SETDB1: variants seen among roughly 807,000 people sequenced by gnomAD.
The protein encoded by SETDB1 is SET domain bifurcated histone lysine methyltransferase 1.
SETDB1 carries 31 observed loss-of-function variants against 137.4 expected under a neutral mutation model. That is an observed-to-expected ratio of 0.23 (90% CI 0.17 to 0.30). The LOEUF (loss-of-function observed/expected upper bound fraction) is 0.30, where lower values mean the gene tolerates loss of function less well. SETDB1 is among the 10% of genes least tolerant of loss of function. The pLI is 1.00. For missense variants in SETDB1, 1,113 were observed against 1,631.5 expected (o/e 0.68, Z 5.47); for synonymous variants, 548 against 579.9 (o/e 0.95, Z 0.79).
intron 7 of SETDB1, among the ~76,000 whole-genome samples, chr1:150,943,651 G>C (rs1316539242): frequency 4.6e-5 from 7 of 152,194 alleles, no homozygotes; most frequent in Non-Finnish European, 2.9e-5. Context: ...ACCCCAGCCT[G>C]GGCGACAGAA....
chr1:150,960,271 CG>C (rs1261083441), intron 15 of SETDB1, among the ~76,000 whole-genome samples: 3 of 151,274 alleles, frequency 2.0e-5, no homozygotes, highest in Admixed American at 1.3e-4. Context: ...GTCAGGAGTT[CG>C]AGACCAACCT....
At chr1:150,930,465 A>G (rs11204744) in intron 3 of SETDB1, 29,632 of 156,808 alleles carry the variant, frequency 0.19, 3,500 homozygotes, top group East Asian at 0.27. Context: ...GTAGCCCGCA[A>G]CCGCATTAAA....
Position 150,961,248 on chromosome 1 carries a change from T to C in SETDB1, c.3132+57T>C. 7.1e-6 allele frequency: 11 copies of C among 1,539,158 alleles called. No individual in the cohort carries two copies. In the South Asian group the frequency reaches 1.2e-4, roughly 16 times the overall value. On this transcript the variant is annotated intron_variant, in intron 16 of 21. Coordinates refer to ENST00000692827, the MANE Select transcript of SETDB1 (RefSeq NM_001366418.1). ...GGCTTTAACTTTGGTGCAGTAACAATGCAGTCTCACCATGAGTCTTTGCAT... is the reference window on the plus strand; with the variant it reads ...GGCTTTAACTTTGGTGCAGTAACAACGCAGTCTCACCATGAGTCTTTGCAT...
intron 14 of SETDB1, among the ~76,000 whole-genome samples, 192 bp from the exon 15 acceptor site, chr1:150,958,986 G>A (rs2272214): frequency 0.35 from 53,706 of 151,622 alleles, 9,869 homozygotes; most frequent in South Asian, 0.51. Context: ...TTTTTCCTTG[G>A]GCTACATTTC....
At chr1:150,945,217 C>T (rs1308584713) in intron 9 of SETDB1, 109 bp downstream of exon 9, 1 of 1,534,586 alleles carries the variant, frequency 6.5e-7, no homozygotes, top group Non-Finnish European at 8.8e-7. Flanking sequence ...TCTTTCTTAT[C>T]CTCGTATGTG....
intron 16 of SETDB1, chr1:150,961,607 T>TTA: frequency 1.0e-5 from 2 of 198,148 alleles, no homozygotes; most frequent in Non-Finnish European, 2.1e-5. Context: ...TGAGCCGAGA[T>TTA]CGCACCACTG....
At chr1:150,962,402 C>A (rs1360074731) in intron 17 of SETDB1, among the ~76,000 whole-genome samples, 185 bp from the exon 18 acceptor site, 1 of 152,090 alleles carries the variant, frequency 6.6e-6, no homozygotes, top group Non-Finnish European at 1.5e-5. Flanking sequence ...CTCCTGGGCT[C>A]AAGCGATGCT....
chr1:150,944,323 A>G (rs1011430997), intron 8 of SETDB1, among the ~76,000 whole-genome samples: 2 of 152,212 alleles, frequency 1.3e-5, no homozygotes, highest in Admixed American at 6.6e-5. Context: ...TCCTAGTGTC[A>G]TACTGCACCT....
At chr1:150,939,722 G>C (rs1028991135) in intron 3 of SETDB1, among the ~76,000 whole-genome samples, 2 of 151,994 alleles carry the variant, frequency 1.3e-5, no homozygotes, top group Non-Finnish European at 1.5e-5. Context: ...CAAGTAGCAG[G>C]GATTACAGGT....
chr1:150,927,312 AGAC>A (rs1437615312), intron 1 of SETDB1, among the ~76,000 whole-genome samples: 7 of 152,216 alleles, frequency 4.6e-5, no homozygotes, highest in African/African-American at 1.7e-4. Flanking sequence ...TTTTTTGTAA[AGAC>A]GAGTCTTGCC....
intron 20 of SETDB1, 56 bp downstream of exon 20, chr1:150,963,797 CTT>C: frequency 6.5e-7 from 1 of 1,532,416 alleles, no homozygotes; most frequent in Non-Finnish European, 9.0e-7. Flanking sequence ...CCTCAGATTT[CTT>C]TTAACATACT....
rs1670411395 is a variant in SETDB1 at position 150,948,857 on chromosome 1, T to C, written c.1268-265T>C. 2.0e-5 allele frequency among the ~76,000 whole-genome samples: 3 copies of C among 151,854 alleles called. No homozygotes were observed. The South Asian group carries it at 6.3e-4, about 32-fold the overall frequency. On this transcript the variant is annotated intron_variant, in intron 10 of 21. Transcript: ENST00000692827. ...CCTGCGCCTTCCGAGCAGCTGGAAT[T>C]ACAGATGTGCACCACCATGCCCATC...
At chr1:150,942,444 C>T in intron 5 of SETDB1, 119 bp from the exon 6 acceptor site, 2 of 721,724 alleles carry the variant, frequency 2.8e-6, no homozygotes, top group Non-Finnish European at 2.1e-6. Flanking sequence ...GAGACTCCAT[C>T]TCAAAAAAAA....
In SETDB1 at chr1:150,949,134, G is replaced by A. The variant is rs587746494; in HGVS notation, c.1280G>A (p.Ser427Asn). ...RTRPNMGAVR[S>N]KGPVVQYTQD... The stretch of plus-strand genomic sequence containing the variant: ...CTTTTTCCTATAGGTGCTGTGAGGA[G>A]CAAAGGCCCTGTTGTCCAGTACACA... Residue 427 changes from serine (S) to asparagine (N), a missense_variant, in exon 11 of 22, where the codon AGC (serine) becomes AAC (asparagine). Ser to Asn is a conservative substitution (Grantham distance 46). Around this residue, in one of 11 missense-constraint regions of SETDB1, gnomAD observed 154 missense variants for 303.1 expected, o/e 0.51. Transcript: ENST00000692827. 3 of 1,613,752 alleles carry A rather than the reference G, an allele frequency of 1.9e-6. No homozygotes were observed. The highest frequency in any genetic ancestry group is 2.2e-5 in the South Asian group (2 of 91,040).
At chr1:150,928,913 A>G (rs1174722482) in intron 2 of SETDB1, among the ~76,000 whole-genome samples, 1 of 152,180 alleles carries the variant, frequency 6.6e-6, no homozygotes, top group Non-Finnish European at 1.5e-5. Context: ...GTGCCTACAA[A>G]GGACATGAAC....
intron 5 of SETDB1, 73 bp from the exon 6 acceptor site, chr1:150,942,490 T>C: frequency 3.2e-6 from 4 of 1,267,680 alleles, no homozygotes; most frequent in South Asian, 2.8e-5. Flanking sequence ...ATTACCATAC[T>C]ACCCTCTTTA....
chr1:150,960,513 C>T, intron 15 of SETDB1, 50 bp from the exon 16 acceptor site: 4 of 797,872 alleles, frequency 5.0e-6, no homozygotes, highest in South Asian at 2.4e-5. Flanking sequence ...AAAAAAAAAA[C>T]TAATAGGTCC....
chr1:150,944,878 C>A (rs1240410784), intron 8 of SETDB1, 40 bp from the exon 9 acceptor site: 1 of 1,607,592 alleles, frequency 6.2e-7, no homozygotes, highest in African/African-American at 1.3e-5. Context: ...TCAAGACATG[C>A]CCTACCTGCC....
rs140402575 is a variant in SETDB1, at chr1:150,947,314, A to G, written c.1267+302A>G. ...TCAGTTTTGTGTGTTATCTATGGTT[A>G]GTTTTTTCTTTTTCTTTTTTTTTTA... On this transcript the variant is annotated intron_variant, in intron 10 of 21. Coordinates refer to ENST00000692827, the MANE Select transcript of SETDB1 (RefSeq NM_001366418.1). Among the ~76,000 whole-genome samples, 16 of 152,056 alleles carry G rather than the reference A, an allele frequency of 1.1e-4. 1 individual carries two copies. The highest frequency in any genetic ancestry group is 3.9e-4 in the East Asian group (2 of 5,178).
Sources: gnomAD v4.1 joint callset for allele counts (sites outside exome capture counted in the v4.1 genomes callset) on GRCh38, gnomAD v4.1.1 for gene constraint, gnomAD v4.1.1 regional missense constraint, MANE v1.5 for transcripts, NCBI Gene and HGNC (gene_info 2026-07-23, HGNC 2026-07-21) for gene names.